SLC35F1: variants seen among roughly 807,000 people sequenced by gnomAD.
SLC35F1 encodes the protein solute carrier family 35 member F1.
In SLC35F1, 14 loss-of-function variants were observed where a neutral mutation model predicts 48.7. The observed-to-expected ratio is 0.29, with a 90% CI of 0.19 to 0.45. SLC35F1 has a LOEUF of 0.45. Among genes scored for constraint, SLC35F1 ranks in the 20% least tolerant of loss-of-function variants. The pLI is 1.00. For synonymous variants in SLC35F1, 190 were observed against 202.2 expected, an observed-to-expected ratio of 0.94 and a Z score of 0.51; for missense variants, 404 against 500.0, an observed-to-expected ratio of 0.81 and a Z score of 1.83.
chr6:117,921,356 TC>T (rs796742435), intron 1 of SLC35F1, among the ~76,000 whole-genome samples: 38 of 152,346 alleles, frequency 2.5e-4, no homozygotes, highest in African/African-American at 9.1e-4. Flanking sequence ...GTAAGGGGTT[TC>T]CCCCCATGTT....
At chr6:118,041,649 A>G (rs904756402) in intron 1 of SLC35F1, among the ~76,000 whole-genome samples, 6 of 152,210 alleles carry the variant, frequency 3.9e-5, no homozygotes, top group Non-Finnish European at 7.3e-5. Flanking sequence ...AAGGTGCATT[A>G]AAGAGGGAGA....
chr6:117,970,556 C>T (rs6935258), intron 1 of SLC35F1, among the ~76,000 whole-genome samples: 46,495 of 152,006 alleles, frequency 0.31, 7,319 homozygotes, highest in Admixed American at 0.39. Flanking sequence ...CTGAGAGCCA[C>T]TGTATTAGTC....
At chr6:117,938,153 G>A (rs1776183219) in intron 1 of SLC35F1, among the ~76,000 whole-genome samples, 1 of 152,060 alleles carries the variant, frequency 6.6e-6, no homozygotes, top group African/African-American at 2.4e-5. Context: ...ATTTTGGGGG[G>A]CTCTGGGGTA....
At chr6:118,198,643 A>G (rs565106938) in intron 2 of SLC35F1, among the ~76,000 whole-genome samples, 1 of 152,368 alleles carries the variant, frequency 6.6e-6, no homozygotes, top group African/African-American at 2.4e-5. Flanking sequence ...CTTCCATCCC[A>G]GAGATCATCT....
intron 7 of SLC35F1, among the ~76,000 whole-genome samples, chr6:118,295,933 C>T (rs944597494): frequency 9.9e-5 from 15 of 152,178 alleles, no homozygotes; most frequent in African/African-American, 3.6e-4. Flanking sequence ...CTTTCCCCTG[C>T]ACTGTTAAGA....
chr6:118,256,093 G>C (rs1268993089), intron 3 of SLC35F1, among the ~76,000 whole-genome samples: 1 of 152,076 alleles, frequency 6.6e-6, no homozygotes, highest in Non-Finnish European at 1.5e-5. Context: ...CTCTGGGATG[G>C]TGACAAATCC....
intron 3 of SLC35F1, among the ~76,000 whole-genome samples, chr6:118,266,333 A>AT (rs1235319054): frequency 6.6e-6 from 1 of 152,066 alleles, no homozygotes; most frequent in Non-Finnish European, 1.5e-5. Context: ...ATGAAATCAA[A>AT]TTTTTTTGCT....
At chr6:118,142,181 GC>G (rs1185707550) in intron 1 of SLC35F1, among the ~76,000 whole-genome samples, 1 of 152,002 alleles carries the variant, frequency 6.6e-6, no homozygotes, top group African/African-American at 2.4e-5. Flanking sequence ...AAAAGGTTGA[GC>G]TTTTTATAAA....
At chr6:118,045,564 C>T (rs1772287354) in intron 1 of SLC35F1, among the ~76,000 whole-genome samples, 1 of 152,138 alleles carries the variant, frequency 6.6e-6, no homozygotes, top group East Asian at 1.9e-4. Flanking sequence ...CTTTCTCTTC[C>T]CAGTCACATG....
At chr6:118,313,149 T>C (rs1776390556) in intron 7 of SLC35F1, among the ~76,000 whole-genome samples, 1 of 152,202 alleles carries the variant, frequency 6.6e-6, no homozygotes, top group Admixed American at 6.5e-5. Context: ...TAAGAAACTA[T>C]TCATTTAGTG....
At chr6:117,958,327 G>GA (rs1776453080) in intron 1 of SLC35F1, among the ~76,000 whole-genome samples, 1 of 151,994 alleles carries the variant, frequency 6.6e-6, no homozygotes, top group Non-Finnish European at 1.5e-5. Context: ...ATTTGTTATT[G>GA]AAAAAAGGAA....
intron 2 of SLC35F1, among the ~76,000 whole-genome samples, chr6:118,232,289 C>T (rs542391527): frequency 1.4e-4 from 21 of 152,206 alleles, no homozygotes; most frequent in East Asian, 9.7e-4. Context: ...TAGTGGCTTA[C>T]GCCTGTAATC....
chr6:118,026,565 G>A (rs1365948279), intron 1 of SLC35F1, among the ~76,000 whole-genome samples: 1 of 152,092 alleles, frequency 6.6e-6, no homozygotes, highest in Non-Finnish European at 1.5e-5. Context: ...GAATCCCAGC[G>A]TTGTTGAAAT....
At chr6:118,101,420 T>C (rs892911549) in intron 1 of SLC35F1, among the ~76,000 whole-genome samples, 4 of 152,172 alleles carry the variant, frequency 2.6e-5, no homozygotes, top group African/African-American at 9.7e-5. Context: ...AACATGTAAA[T>C]TACAGTGCTT....
chr6:117,918,093 G>A (rs992996979), intron 1 of SLC35F1, among the ~76,000 whole-genome samples: 3 of 152,158 alleles, frequency 2.0e-5, no homozygotes, highest in African/African-American at 7.2e-5. Flanking sequence ...GCAACCACAG[G>A]GTCAGAGGAG....
chr6:117,970,592 A>G (rs116103659), intron 1 of SLC35F1, among the ~76,000 whole-genome samples: 1 of 152,328 alleles, frequency 6.6e-6, no homozygotes, highest in African/African-American at 2.4e-5. Flanking sequence ...ATGAAGAAAT[A>G]TCCGAGACTG....
chr6:117,957,429 G>C (rs994107293), intron 1 of SLC35F1, among the ~76,000 whole-genome samples: 4 of 152,182 alleles, frequency 2.6e-5, no homozygotes, highest in African/African-American at 9.7e-5. Context: ...TTTCAGAATA[G>C]TTTCTACCAA....
chr6:118,224,506 C>G (rs1387808468), intron 2 of SLC35F1, among the ~76,000 whole-genome samples: 2 of 152,092 alleles, frequency 1.3e-5, no homozygotes, highest in Admixed American at 6.6e-5. Flanking sequence ...TGCATCCTCC[C>G]ACCTGAGCCT....
intron 1 of SLC35F1, among the ~76,000 whole-genome samples, chr6:118,150,443 T>C (rs761756540): frequency 6.6e-6 from 1 of 152,180 alleles, no homozygotes; most frequent in Non-Finnish European, 1.5e-5. Flanking sequence ...AAAATTGTAT[T>C]CTCTTATATA....
Sources: gnomAD v4.1 joint callset for allele counts (sites outside exome capture counted in the v4.1 genomes callset) on GRCh38, gnomAD v4.1.1 for gene constraint, MANE v1.5 for transcripts, NCBI Gene and HGNC (gene_info 2026-07-23, HGNC 2026-07-21) for gene names.